The following FUT8 variants were observed in gnomAD, a reference collection of about 807,000 sequenced individuals.
FUT8 encodes alpha-(1,6)-fucosyltransferase.
In FUT8, 29 loss-of-function variants were observed where a neutral mutation model predicts 71.3. The observed-to-expected ratio is 0.41, with a 90% CI of 0.30 to 0.55. The LOEUF is 0.55. Among genes scored for constraint, FUT8 ranks in the 20% least tolerant of loss-of-function variants. The pLI is 0.34. For missense variants in FUT8, 544 were observed against 702.1 expected (o/e 0.77, Z 2.55); for synonymous variants, 254 against 239.3 (o/e 1.06, Z -0.57).
intron 2 of FUT8, among the ~76,000 whole-genome samples, chr14:65,543,572 A>G (rs999885161): frequency 1.3e-5 from 2 of 152,120 alleles, no homozygotes; most frequent in Non-Finnish European, 2.9e-5. Flanking sequence ...TGTATGTAGC[A>G]TTCTTGTAGG....
chr14:65,666,486 A>C lies in FUT8; in HGVS notation c.598-2757A>C, dbSNP rs1413803264. On this transcript the variant is annotated intron_variant, in intron 6 of 10. Coordinates refer to ENST00000673929, the MANE Select transcript of FUT8 (RefSeq NM_001371533.1). ...AACCTCCCAAGACTGAACCGGGAAG[A>C]AATTCATACCCTGAACAGACCAATA... Among the ~76,000 whole-genome samples, 5 of 152,180 alleles carry C rather than the reference A, an allele frequency of 3.3e-5. No homozygotes were observed. The East Asian group carries it at 7.7e-4, about 23-fold the overall frequency.
chr14:65,461,224 A>G (rs746668049), intron 2 of FUT8, among the ~76,000 whole-genome samples: 5 of 152,160 alleles, frequency 3.3e-5, no homozygotes, highest in Non-Finnish European at 5.9e-5. Flanking sequence ...GACTTTTGGT[A>G]GCATAACTCC....
Position 65,669,510 on chromosome 14 carries a change from C to T in FUT8, c.835+30C>T. 1.3e-6 allele frequency: 2 copies of T among 1,488,612 alleles called. No individual in the cohort carries two copies. The highest frequency in any genetic ancestry group is 2.3e-5 in the South Asian group (2 of 87,814). The allele number at this position is 1,488,612 out of a possible 1,614,324, so 92.2% of individuals were successfully genotyped here. On this transcript the variant is annotated intron_variant, in intron 7 of 10. Coordinates refer to ENST00000673929, the MANE Select transcript of FUT8 (RefSeq NM_001371533.1). This position sits in a 1 kb window ranked among gnomAD's most constrained non-coding sequence, Gnocchi z 4.5. ...GGAGCTTGTGCAGCATATGAGATCT[C>T]TGGGCTGTTTCACTCAATTACCAGA...
intron 2 of FUT8, among the ~76,000 whole-genome samples, chr14:65,557,167 G>A (rs1019305460): frequency 6.6e-6 from 1 of 152,032 alleles, no homozygotes; most frequent in Non-Finnish European, 1.5e-5. Flanking sequence ...TTCAGAAAAA[G>A]TACTTTGAAA....
intron 2 of FUT8, among the ~76,000 whole-genome samples, chr14:65,481,501 C>A (rs1417096911): frequency 2.0e-5 from 3 of 151,846 alleles, no homozygotes; most frequent in Non-Finnish European, 2.9e-5. Context: ...AAATACTGCA[C>A]ACATCTGAAA....
At chr14:65,692,413 C>A (rs1893684876) in intron 7 of FUT8, among the ~76,000 whole-genome samples, 1 of 142,254 alleles carries the variant, frequency 7.0e-6, no homozygotes, top group Non-Finnish European at 1.6e-5. Context: ...GGGGCTGACC[C>A]CCCCACCTCC....
rs1025030448 is a variant in FUT8, at chr14:65,652,566, G to A, written c.598-16677G>A. Among the ~76,000 whole-genome samples, 2 of 152,088 alleles carry A rather than the reference G, an allele frequency of 1.3e-5. No homozygotes were observed. The highest frequency in any genetic ancestry group is 2.4e-5 in the African/African-American group (1 of 41,412). On this transcript the variant is annotated intron_variant, in intron 6 of 10. Transcript: ENST00000673929. This position sits in a 1 kb window ranked among gnomAD's most constrained non-coding sequence, Gnocchi z 4.0. ...AGGCTGGTGAAGAAGAGACTGGCTG[G>A]AAACAGGAAAACATTCCTGGGACTG...
intron 3 of FUT8, among the ~76,000 whole-genome samples, chr14:65,564,424 A>G (rs1020770162): frequency 6.6e-6 from 1 of 152,086 alleles, no homozygotes; most frequent in African/African-American, 2.4e-5. Context: ...GATTTTGTTG[A>G]TAGTTTTAGA....
chr14:65,479,803 C>T (rs905319121), intron 2 of FUT8: 4 of 152,172 alleles, frequency 2.6e-5, no homozygotes, highest in African/African-American at 4.8e-5. Context: ...ATTTTGATTA[C>T]TATGCCTGTT....
intron 1 of FUT8, among the ~76,000 whole-genome samples, chr14:65,439,956 AT>A (rs2065622638): frequency 9.8e-5 from 3 of 30,672 alleles, no homozygotes; most frequent in African/African-American, 2.9e-4. Flanking sequence ...GTGTGTGTGT[AT>A]ATATATATAT....
chr14:65,629,852 AC>A (rs1346060887), intron 6 of FUT8, among the ~76,000 whole-genome samples: 8 of 151,518 alleles, frequency 5.3e-5, no homozygotes, highest in African/African-American at 1.7e-4. Context: ...ACACACACAC[AC>A]ACACAATACA....
At chr14:65,510,100 T>A (rs1303570890) in intron 2 of FUT8, among the ~76,000 whole-genome samples, 2 of 152,190 alleles carry the variant, frequency 1.3e-5, no homozygotes, top group Non-Finnish European at 1.5e-5. Context: ...TATGTTGATG[T>A]GTGTTTCTTC....
At chr14:65,582,383 T>C (rs117488822) in intron 3 of FUT8, among the ~76,000 whole-genome samples, 1,850 of 152,314 alleles carry the variant, frequency 0.012, 15 homozygotes, top group South Asian at 0.024. Flanking sequence ...TTCACCTCAT[T>C]AATGTTTACT....
At chr14:65,405,601 G>C (rs958268318), upstream of FUT8, among the ~76,000 whole-genome samples, 5 of 152,102 alleles carry the variant, frequency 3.3e-5, no homozygotes, top group African/African-American at 1.2e-4. Context: ...CCTGGAAATA[G>C]CTTAGGCAAG....
At chr14:65,714,919 G>A (rs1249771863) in intron 7 of FUT8, among the ~76,000 whole-genome samples, 1 of 151,862 alleles carries the variant, frequency 6.6e-6, no homozygotes, top group African/African-American at 2.4e-5. Flanking sequence ...ACTGATTTTT[G>A]TATGTTGATT....
At chr14:65,676,766 A>C (rs1292908654) in intron 7 of FUT8, among the ~76,000 whole-genome samples, 2 of 152,248 alleles carry the variant, frequency 1.3e-5, no homozygotes, top group African/African-American at 2.4e-5. Flanking sequence ...GCAATCTTTC[A>C]GTAGCATTTT....
chr14:65,672,606 T>C (rs1166803793), intron 7 of FUT8, among the ~76,000 whole-genome samples: 1 of 152,110 alleles, frequency 6.6e-6, no homozygotes, highest in Non-Finnish European at 1.5e-5. Context: ...ACTACAGGCA[T>C]GCTCCATCAT....
rs1393303495 is a variant in FUT8, at chr14:65,444,876, T to C, written c.-325-10745T>C. ...TGGAAGGTGTATGTATTGGTTCATA[T>C]GGGGGAGCCCTCACAAATGGATTAA... On this transcript the variant is annotated intron_variant, in intron 1 of 10. Coordinates refer to ENST00000673929, the MANE Select transcript of FUT8 (RefSeq NM_001371533.1). Among the ~76,000 whole-genome samples the C allele has an allele frequency of 2.6e-5, 4 of 152,172 alleles. No homozygotes were observed. In the East Asian group the frequency reaches 7.7e-4, roughly 29 times the overall value.
At chr14:65,542,719 T>C (rs983590993) in intron 2 of FUT8, among the ~76,000 whole-genome samples, 4 of 152,224 alleles carry the variant, frequency 2.6e-5, no homozygotes, top group Admixed American at 2.6e-4. Context: ...TATTGTTCTT[T>C]AGAAACTGTT....
Sources: gnomAD v4.1 joint callset for allele counts (sites outside exome capture counted in the v4.1 genomes callset) on GRCh38, gnomAD v4.1.1 for gene constraint, Gnocchi (gnomAD v3.1) non-coding constraint, MANE v1.5 for transcripts, NCBI Gene and HGNC (gene_info 2026-07-23, HGNC 2026-07-21) for gene names.